Variants in ZNF26 observed in about 807,000 individuals in gnomAD.
ZNF26 encodes zinc finger protein 26, also known as epididymis luminal protein 179.
In ZNF26, 32 loss-of-function variants were observed where a neutral mutation model predicts 54.9. That is an observed-to-expected ratio of 0.58 (90% CI 0.44 to 0.78). The LOEUF (loss-of-function observed/expected upper bound fraction) is 0.78. Ranked by LOEUF, ZNF26 falls within the 30% of genes least tolerant of loss-of-function variation. The probability of loss-of-function intolerance (pLI) is 0.00; values close to 1 mark genes in which losing one functional copy is unlikely to be tolerated. For missense variants in ZNF26, 524 were observed against 634.0 expected, an observed-to-expected ratio of 0.83 and a Z score of 1.86; for synonymous variants, 221 against 209.2, an observed-to-expected ratio of 1.06 and a Z score of -0.49.
rs1953521238 is a variant in ZNF26, at chr12:133,013,332, T to A, written c.*1851T>A. On this transcript the variant is annotated 3_prime_UTR_variant, in exon 4 of 4. Coordinates refer to ENST00000328654, the MANE Select transcript of ZNF26 (RefSeq NM_019591.4). The stretch of plus-strand genomic sequence containing the variant: ...GAGGTGGTGGGAATCAAATAGTATA[T>A]TTGGCTTGGTGAATTAAAGTCAGTT... 6.6e-6 allele frequency: 1 copy of A among 152,326 alleles called. No homozygotes were observed. Among genetic ancestry groups the A allele is most frequent in the Non-Finnish European group, 1.5e-5 (1 of 68,114 alleles). 9.4% of individuals were successfully genotyped at this position (152,326 alleles called of 1,614,324 possible). A position where few individuals can be genotyped will look rare whatever the true frequency, so the allele number is the denominator to read the frequency against.
chr12:132,999,391 G>A lies in ZNF26; in HGVS notation c.34-7651G>A, dbSNP rs1018031462. Among the ~76,000 whole-genome samples, 432 of 151,378 alleles carry A rather than the reference G, an allele frequency of 2.9e-3. 2 individuals are homozygous for A. The highest frequency in any genetic ancestry group is 9.9e-3 in the African/African-American group (408 of 41,252). The stretch of plus-strand genomic sequence containing the variant: ...CTGCCTCAGCCTCCTGAGTAGCTGG[G>A]ATACAGGCGCCCACCACCACACCTG... On this transcript the variant is annotated intron_variant, in intron 1 of 3. Coordinates refer to ENST00000328654, the MANE Select transcript of ZNF26 (RefSeq NM_019591.4).
chr12:133,015,376 G>GAA lies in ZNF26; in HGVS notation c.*3898_*3899dup, dbSNP rs1299805679. The GAA allele has an allele frequency of 2.2e-5, 3 of 134,336 alleles. No individual in the cohort carries two copies. The highest frequency in any genetic ancestry group is 4.7e-4 in the East Asian group (2 of 4,230). 8.3% of individuals were successfully genotyped at this position (134,336 alleles called of 1,614,324 possible). Reference sequence around the variant, plus strand: ...CTCAAAAAAAAAAAAAAAAAGAAAAGAAAATGACAAACACATGTTCTGTGT... The same window carrying GAA: ...CTCAAAAAAAAAAAAAAAAAGAAAAGAAAAAATGACAAACACATGTTCTGTGT... On this transcript the variant is annotated 3_prime_UTR_variant, in exon 4 of 4. Transcript: ENST00000328654.
At chr12:132,997,845 G>C (rs1329578245) in intron 1 of ZNF26, among the ~76,000 whole-genome samples, 1 of 152,202 alleles carries the variant, frequency 6.6e-6, no homozygotes, top group Non-Finnish European at 1.5e-5. Context: ...CAAATAACCT[G>C]TTCCGTTAAT....
chr12:133,001,394 C>T lies in ZNF26; in HGVS notation c.34-5648C>T, dbSNP rs1165083291. 1.3e-5 allele frequency among the ~76,000 whole-genome samples: 2 copies of T among 152,252 alleles called. No homozygotes were observed. Among genetic ancestry groups the T allele is most frequent in the East Asian group, 1.9e-4 (1 of 5,180 alleles). Reference sequence around the variant, plus strand: ...ACTTCATTTACTTGTTGCCCTCCGACGGGGGCTCCTTCTGGGTTGGGGTGG... The same window carrying T: ...ACTTCATTTACTTGTTGCCCTCCGATGGGGGCTCCTTCTGGGTTGGGGTGG... On this transcript the variant is annotated intron_variant, in intron 1 of 3. Transcript: ENST00000328654. This position sits in a 1 kb window ranked among gnomAD's most constrained non-coding sequence, Gnocchi z 4.7.
chr12:132,996,861 C>G (rs1953095443), intron 1 of ZNF26, among the ~76,000 whole-genome samples: 1 of 152,004 alleles, frequency 6.6e-6, no homozygotes, highest in Non-Finnish European at 1.5e-5. Context: ...AAACTGCTAC[C>G]CTGTTGACTT....
intron 1 of ZNF26, among the ~76,000 whole-genome samples, chr12:133,003,090 T>C (rs1953253454): frequency 1.3e-5 from 2 of 152,104 alleles, no homozygotes; most frequent in Admixed American, 6.5e-5. Flanking sequence ...GCAGGATGAC[T>C]GTTCCCAAAG....
At chr12:132,999,834 T>G (rs750534978) in intron 1 of ZNF26, among the ~76,000 whole-genome samples, 9 of 151,706 alleles carry the variant, frequency 5.9e-5, no homozygotes, top group Middle Eastern at 3.2e-3. Context: ...CATGCCCGGT[T>G]AATTTTTTTG....
At position 133,024,757 on chromosome 12, in the gene ZNF26, C is replaced by T. The variant is rs1382459353; in HGVS notation, c.*13276C>T. On this transcript the variant is annotated 3_prime_UTR_variant, in exon 4 of 4. Transcript: ENST00000328654. ...CCCTCTCTCATAAGCAACAGAACTG[C>T]TAAGAATTTTAAGGGTGAGGTCCCA... The T allele has an allele frequency of 6.6e-6, 1 of 152,088 alleles. No individual in the cohort carries two copies. Among genetic ancestry groups the T allele is most frequent in the Non-Finnish European group, 1.5e-5 (1 of 68,020 alleles). The allele number at this position is 152,088 out of a possible 1,614,324, so 9.4% of individuals were successfully genotyped here. A position where few individuals can be genotyped will look rare whatever the true frequency, so the allele number is the denominator to read the frequency against.
intron 1 of ZNF26, among the ~76,000 whole-genome samples, chr12:132,994,969 A>C (rs1593641092): frequency 6.6e-6 from 1 of 152,184 alleles, no homozygotes; most frequent in South Asian, 2.1e-4. Context: ...AGACATTGTC[A>C]AATGCCCCCG....
chr12:133,003,838 G>A (rs972871251), intron 1 of ZNF26, among the ~76,000 whole-genome samples: 3 of 152,194 alleles, frequency 2.0e-5, no homozygotes, highest in Non-Finnish European at 4.4e-5. Context: ...ACCACGTGGA[G>A]GTGCCTGGGC....
rs1486038666 is a variant in ZNF26 at position 133,010,665 on chromosome 12, A to T, written c.786A>T (p.Glu262Asp). 3 of 1,614,178 alleles carry T rather than the reference A, an allele frequency of 1.9e-6. No individual in the cohort carries two copies. The highest frequency in any genetic ancestry group is 2.5e-6 in the Non-Finnish European group (3 of 1,180,046). The change falls in exon 4 of 4, where the codon GAA (glutamate) becomes GAT (aspartate). Residue 262 changes from glutamate (E) to aspartate (D), a missense_variant. By Grantham distance (45) the Glu-to-Asp change is conservative. Transcript: ENST00000328654. The stretch of plus-strand genomic sequence containing the variant: ...GAGGGAAACCCTATGGCTGCAGTGA[A>T]TGTGGGAAAGCCTACAGTTGGAAAT... Reference protein sequence around the residue: ...HTGGKPYGCSECGKAYSWKSQ... With the variant: ...HTGGKPYGCSDCGKAYSWKSQ...
In ZNF26 at chr12:133,013,497, C is replaced by T. The variant is rs1953523684; in HGVS notation, c.*2016C>T. On this transcript the variant is annotated 3_prime_UTR_variant, in exon 4 of 4. Coordinates refer to ENST00000328654, the MANE Select transcript of ZNF26 (RefSeq NM_019591.4). ...GAACCTGAGGACTCAGCCTAGCAAG[C>T]TCTTGTGATAGACTTTGAATAGCAG... 6.5e-6 allele frequency: 1 copy of T among 154,272 alleles called. No individual in the cohort carries two copies. 9.6% of individuals were successfully genotyped at this position (154,272 alleles called of 1,614,324 possible). A position where few individuals can be genotyped will look rare whatever the true frequency, so the allele number is the denominator to read the frequency against.
chr12:133,015,490 G>T lies in ZNF26; in HGVS notation c.*4009G>T, dbSNP rs1953555194. On this transcript the variant is annotated 3_prime_UTR_variant, in exon 4 of 4. Transcript: ENST00000328654. The stretch of plus-strand genomic sequence containing the variant: ...ACTTGTGGCAAAAGAATAAGAAAGA[G>T]AACTAAAAAATGAAAAAAAATAAGA... 6.7e-6 allele frequency: 1 copy of T among 148,796 alleles called. No homozygotes were observed. Among genetic ancestry groups the T allele is most frequent in the African/African-American group, 2.5e-5 (1 of 40,306 alleles). The allele number at this position is 148,796 out of a possible 1,614,324, so 9.2% of individuals were successfully genotyped here. A position where few individuals can be genotyped will look rare whatever the true frequency, so the allele number is the denominator to read the frequency against.
chr12:133,009,922 TA>T (rs1455263878), intron 3 of ZNF26, among the ~76,000 whole-genome samples: 2 of 152,146 alleles, frequency 1.3e-5, no homozygotes, highest in Non-Finnish European at 2.9e-5. Context: ...TGATTACTGG[TA>T]ATTTGCTACC....
rs61558774 is a variant in ZNF26 at position 132,996,892 on chromosome 12, T to TTTTTGTTTTG, written c.33+10039_33+10048dup. 4.0e-3 allele frequency among the ~76,000 whole-genome samples: 611 copies of TTTTTGTTTTG among 151,478 alleles called. 5 individuals are homozygous for TTTTTGTTTTG. Among genetic ancestry groups the TTTTTGTTTTG allele is most frequent in the African/African-American group, 0.013 (552 of 41,362 alleles). Reference sequence around the variant, plus strand: ...GACTTTTCTTACTGGTTCTCATGGTTTTTTGTTTTGTTTTGTTTTGTTTTG... The same window carrying TTTTTGTTTTG: ...GACTTTTCTTACTGGTTCTCATGGTTTTTTGTTTTGTTTTGTTTTGTTTTGTTTTGTTTTG... On this transcript the variant is annotated intron_variant, in intron 1 of 3. Transcript: ENST00000328654.
rs1319941709 is a variant in ZNF26, at chr12:133,024,935, CTG to C, written c.*13456_*13457del. 1.3e-5 allele frequency: 2 copies of C among 152,122 alleles called. No homozygotes were observed. Among genetic ancestry groups the C allele is most frequent in the African/African-American group, 2.4e-5 (1 of 41,424 alleles). 9.4% of individuals were successfully genotyped at this position (152,122 alleles called of 1,614,324 possible). On this transcript the variant is annotated 3_prime_UTR_variant, in exon 4 of 4. Coordinates refer to ENST00000328654, the MANE Select transcript of ZNF26 (RefSeq NM_019591.4). ...TGCTAACTTTACAGATAAGGACAAA[CTG>C]TATAAAAAAAGATATTTGAACTCTC...
In ZNF26 at chr12:133,010,262, A is replaced by AT; in HGVS notation, c.384dup (p.Asn129Ter). 6.2e-7 allele frequency: 1 copy of AT among 1,614,096 alleles called. No individual in the cohort carries two copies. The highest frequency in any genetic ancestry group is 8.5e-7 in the Non-Finnish European group (1 of 1,180,016). On this transcript the variant is annotated frameshift_variant, in exon 4 of 4. Transcript: ENST00000328654. LOFTEE classifies it high-confidence loss of function. ...CATGATTCTTCAAGACAGAGACTCTATAACACACGTGGAAAAAGTTTGACA... is the reference window on the plus strand; with the variant it reads ...CATGATTCTTCAAGACAGAGACTCTATTAACACACGTGGAAAAAGTTTGACA...
At chr12:133,006,891 A>G in intron 1 of ZNF26, 151 bp from the exon 2 acceptor site, 1 of 1,075,368 alleles carries the variant, frequency 9.3e-7, no homozygotes, top group Non-Finnish European at 1.4e-6. Flanking sequence ...GCACTCCTTG[A>G]TTGATTTTTA....
At position 133,021,599 on chromosome 12, in the gene ZNF26, T is replaced by A. The variant is rs1317816862; in HGVS notation, c.*10118T>A. The stretch of plus-strand genomic sequence containing the variant: ...TGGCCAACATGGTGAAACCCCCGTC[T>A]CTACTAAAAATACAAAAATTACCCA... On this transcript the variant is annotated 3_prime_UTR_variant, in exon 4 of 4. Transcript: ENST00000328654. 1 of 151,616 alleles carries A rather than the reference T, an allele frequency of 6.6e-6. No homozygotes were observed. The highest frequency in any genetic ancestry group is 2.4e-5 in the African/African-American group (1 of 41,200). The allele number at this position is 151,616 out of a possible 1,614,324, so 9.4% of individuals were successfully genotyped here. A position where few individuals can be genotyped will look rare whatever the true frequency, so the allele number is the denominator to read the frequency against.
Sources: gnomAD v4.1 joint callset for allele counts (sites outside exome capture counted in the v4.1 genomes callset) on GRCh38, gnomAD v4.1.1 for gene constraint, Gnocchi (gnomAD v3.1) non-coding constraint, MANE v1.5 for transcripts, NCBI Gene and HGNC (gene_info 2026-07-23, HGNC 2026-07-21) for gene names.